Variants in KCNIP4 observed in about 807,000 individuals in gnomAD.
KCNIP4 encodes the protein Kv channel-interacting protein 4.
KCNIP4 carries 12 observed loss-of-function variants against 34.0 expected under a neutral mutation model. That is an observed-to-expected ratio of 0.35 (90% CI 0.23 to 0.57). The LOEUF is 0.57. Ranked by LOEUF, KCNIP4 falls within the 20% of genes least tolerant of loss-of-function variation. The probability of loss-of-function intolerance (pLI) is 0.83; values close to 1 mark genes in which losing one functional copy is unlikely to be tolerated. For missense variants in KCNIP4, 238 were observed against 311.7 expected (o/e 0.76, Z 1.78); for synonymous variants, 124 against 102.2 (o/e 1.21, Z -1.29).
intron 1 of KCNIP4, among the ~76,000 whole-genome samples, chr4:21,495,167 T>C (rs1732755737): frequency 6.7e-6 from 1 of 150,034 alleles, no homozygotes; most frequent in Admixed American, 6.6e-5. Flanking sequence ...CTATTCGTTC[T>C]TTGTTGGCTG....
intron 1 of KCNIP4, among the ~76,000 whole-genome samples, chr4:21,132,179 C>T (rs777706991): frequency 1.2e-4 from 19 of 152,314 alleles, no homozygotes; most frequent in African/African-American, 3.6e-4. Context: ...TATCAAGCCT[C>T]GTAAAAGCAC....
chr4:21,349,692 G>A (rs1249561301), intron 1 of KCNIP4, among the ~76,000 whole-genome samples: 1 of 152,130 alleles, frequency 6.6e-6, no homozygotes, highest in Non-Finnish European at 1.5e-5. Context: ...AGCCCTGGGT[G>A]TTTCTGGGTT....
intron 1 of KCNIP4, among the ~76,000 whole-genome samples, chr4:20,970,042 C>T (rs535957613): frequency 1.3e-5 from 2 of 151,914 alleles, no homozygotes; most frequent in Non-Finnish European, 2.9e-5. Context: ...CCCGGGTTCA[C>T]TCCATTCTCC....
intron 1 of KCNIP4, among the ~76,000 whole-genome samples, chr4:21,302,109 C>T (rs1330856025): frequency 1.3e-5 from 2 of 152,084 alleles, no homozygotes; most frequent in South Asian, 2.1e-4. Flanking sequence ...TATTGTAAAA[C>T]GTAAAGTACA....
At chr4:21,068,362 A>G (rs1482564271) in intron 1 of KCNIP4, among the ~76,000 whole-genome samples, 1 of 152,184 alleles carries the variant, frequency 6.6e-6, no homozygotes, top group Admixed American at 6.5e-5. Context: ...TTATCAAGTC[A>G]TCACCTCCTC....
At chr4:21,245,986 A>G (rs1329799671) in intron 1 of KCNIP4, among the ~76,000 whole-genome samples, 1 of 152,162 alleles carries the variant, frequency 6.6e-6, no homozygotes, top group Non-Finnish European at 1.5e-5. Flanking sequence ...CCGACATATG[A>G]CAGAAATCTC....
intron 1 of KCNIP4, among the ~76,000 whole-genome samples, chr4:21,256,938 CTTG>C (rs1288770785): frequency 1.3e-5 from 2 of 152,142 alleles, no homozygotes; most frequent in Non-Finnish European, 2.9e-5. Flanking sequence ...TATATGCGTA[CTTG>C]TTGTTTTCCA....
intron 1 of KCNIP4, among the ~76,000 whole-genome samples, chr4:21,747,028 G>A (rs1310557651): frequency 6.6e-6 from 1 of 152,124 alleles, no homozygotes; most frequent in African/African-American, 2.4e-5. Flanking sequence ...GAGTTAAATT[G>A]GATTGAATAT....
chr4:21,110,555 T>G (rs1749071860), intron 1 of KCNIP4, among the ~76,000 whole-genome samples: 1 of 152,244 alleles, frequency 6.6e-6, no homozygotes, highest in Non-Finnish European at 1.5e-5. Context: ...GGCTTTTTAA[T>G]TTTGTTTATA....
rs182809953 is a variant in KCNIP4, at chr4:21,542,604, T to G, written c.61+405967A>C. ...AATTTAGATTAAAGTAATAATACAA[T>G]GTAAAACAAAAGTGATCAAAATAAA... On this transcript the variant is annotated intron_variant, in intron 1 of 8. Transcript: ENST00000382152. Among the ~76,000 whole-genome samples the G allele has an allele frequency of 6.3e-4, 96 of 151,830 alleles. 1 individual carries two copies. The highest frequency in any genetic ancestry group is 2.2e-3 in the African/African-American group (90 of 41,506).
chr4:21,896,967 A>G (rs1268610352), intron 1 of KCNIP4, among the ~76,000 whole-genome samples: 1 of 127,722 alleles, frequency 7.8e-6, no homozygotes, highest in Non-Finnish European at 1.8e-5. Flanking sequence ...AAATAAATAA[A>G]TAAATATTTT....
intron 1 of KCNIP4, among the ~76,000 whole-genome samples, chr4:21,003,854 A>C (rs13101249): frequency 0.53 from 81,337 of 152,096 alleles, 23,797 homozygotes; most frequent in Non-Finnish European, 0.65. Flanking sequence ...GGGCAGAGGC[A>C]ACAGCCTAAA....
At chr4:20,819,228 AC>A (rs1716804220) in intron 3 of KCNIP4, among the ~76,000 whole-genome samples, 1 of 151,616 alleles carries the variant, frequency 6.6e-6, no homozygotes, top group Non-Finnish European at 1.5e-5. Flanking sequence ...ATCTCGTTTT[AC>A]GGATGAGATA....
At chr4:21,544,399 G>T (rs1737966556) in intron 1 of KCNIP4, 1 of 152,144 alleles carries the variant, frequency 6.6e-6, no homozygotes, top group Non-Finnish European at 1.5e-5. Flanking sequence ...CAGTTCTGTA[G>T]GTTGGACGTC....
At chr4:21,316,855 A>G (rs1244849491) in intron 1 of KCNIP4, among the ~76,000 whole-genome samples, 1 of 152,206 alleles carries the variant, frequency 6.6e-6, no homozygotes, top group East Asian at 1.9e-4. Context: ...TTGTCTTGAA[A>G]TAATTATGTA....
chr4:20,841,406 A>G (rs1173597601), intron 3 of KCNIP4, among the ~76,000 whole-genome samples: 1 of 152,192 alleles, frequency 6.6e-6, no homozygotes, highest in Non-Finnish European at 1.5e-5. Flanking sequence ...CAAAATAAGC[A>G]CTATGATGGG....
At chr4:21,521,980 T>C (rs1373397658) in intron 1 of KCNIP4, among the ~76,000 whole-genome samples, 3 of 152,092 alleles carry the variant, frequency 2.0e-5, no homozygotes, top group Admixed American at 6.6e-5. Context: ...CAAGGCATGA[T>C]ACCAACTCTA....
At chr4:21,708,290 C>G (rs1344730366) in intron 1 of KCNIP4, among the ~76,000 whole-genome samples, 4 of 152,042 alleles carry the variant, frequency 2.6e-5, no homozygotes. Context: ...TATTTACACT[C>G]TTACCCATTT....
rs144615478 is a variant in KCNIP4 at position 21,630,678 on chromosome 4, T to C, written c.61+317893A>G. ...AAACCTCTCTTCGCTGCAGATACGATGATTGAAAACAAACACACTAACAGA... is the reference window on the plus strand; with the variant it reads ...AAACCTCTCTTCGCTGCAGATACGACGATTGAAAACAAACACACTAACAGA... On this transcript the variant is annotated intron_variant, in intron 1 of 8. Transcript: ENST00000382152. 7.6e-4 allele frequency among the ~76,000 whole-genome samples: 116 copies of C among 152,262 alleles called. No homozygotes were observed. In the Middle Eastern group the frequency reaches 0.014, roughly 18 times the overall value.
Sources: gnomAD v4.1 joint callset for allele counts (sites outside exome capture counted in the v4.1 genomes callset) on GRCh38, gnomAD v4.1.1 for gene constraint, MANE v1.5 for transcripts, NCBI Gene and HGNC (gene_info 2026-07-23, HGNC 2026-07-21) for gene names.